Variants in NAA60 observed in about 807,000 individuals in gnomAD.
The protein encoded by NAA60 is N-alpha-acetyltransferase 60, NatF catalytic subunit.
A neutral mutation model predicts 26.1 loss-of-function variants in NAA60; 8 were observed. That is an observed-to-expected ratio of 0.31 (90% CI 0.18 to 0.55). The LOEUF is 0.55. Ranked by LOEUF, NAA60 falls within the 20% of genes least tolerant of loss-of-function variation. NAA60 has a pLI of 0.93. For missense variants in NAA60, 290 were observed against 311.3 expected (o/e 0.93, Z 0.51); for synonymous variants, 131 against 122.5 (o/e 1.07, Z -0.46).
chr16:3,463,051 C>T (rs756765805), intron 2 of NAA60, among the ~76,000 whole-genome samples: 2 of 152,082 alleles, frequency 1.3e-5, no homozygotes, highest in East Asian at 1.9e-4. Context: ...TGTTTCTTTG[C>T]GACTTTGACT....
At chr16:3,476,087 A>C in intron 2 of NAA60, 135 bp from the exon 3 acceptor site, 1 of 626,308 alleles carries the variant, frequency 1.6e-6, no homozygotes, top group Non-Finnish European at 2.7e-6. Flanking sequence ...TGAGAGGCAG[A>C]GGCCTCTGAG....
intron 2 of NAA60, chr16:3,462,610 C>G (rs1567374527): frequency 6.6e-6 from 1 of 152,152 alleles, no homozygotes; most frequent in Non-Finnish European, 1.5e-5. Flanking sequence ...AAGTGCACTG[C>G]TTGATGAGTT....
chr16:3,478,455 CTG>C (rs1402157660), intron 3 of NAA60, among the ~76,000 whole-genome samples: 1 of 152,198 alleles, frequency 6.6e-6, no homozygotes, highest in African/African-American at 2.4e-5. Context: ...GTTCCCAAGA[CTG>C]TGACATGAAC....
chr16:3,461,533 C>T (rs1379894875), intron 2 of NAA60, among the ~76,000 whole-genome samples: 3 of 152,142 alleles, frequency 2.0e-5, no homozygotes, highest in Non-Finnish European at 4.4e-5. Context: ...GCTATGAGTG[C>T]GACAGCTTAG....
intron 5 of NAA60, 38 bp from the exon 6 acceptor site, chr16:3,483,325 C>T: frequency 6.8e-7 from 1 of 1,475,328 alleles, no homozygotes. Context: ...TCCTTCCTAA[C>T]TGCTCTGCCT....
At chr16:3,455,421 C>G (rs1237598519) in intron 2 of NAA60, among the ~76,000 whole-genome samples, 2 of 129,774 alleles carry the variant, frequency 1.5e-5, no homozygotes, top group African/African-American at 3.0e-5. Context: ...GACGGAGTCT[C>G]GCTCTGTCTG....
chr16:3,451,063 T>C (rs1358973045), intron 2 of NAA60, among the ~76,000 whole-genome samples: 1 of 152,242 alleles, frequency 6.6e-6, no homozygotes, highest in Non-Finnish European at 1.5e-5. Flanking sequence ...AGAAGCTCCA[T>C]TGTTGTTTGT....
intron 1 of NAA60, chr16:3,447,526 T>C (rs1017094819): frequency 2.0e-6 from 2 of 985,338 alleles, no homozygotes; most frequent in African/African-American, 3.5e-5. Flanking sequence ...TAAGTATGGC[T>C]CTGGTTCTTA....
At chr16:3,481,607 C>G (rs900576529) in intron 4 of NAA60, among the ~76,000 whole-genome samples, 1 of 152,202 alleles carries the variant, frequency 6.6e-6, no homozygotes, top group Admixed American at 6.5e-5. Flanking sequence ...AGTAGAGGGC[C>G]CTCTGGCCTG....
intron 2 of NAA60, among the ~76,000 whole-genome samples, chr16:3,458,427 G>T (rs1256513003): frequency 1.3e-5 from 2 of 152,150 alleles, no homozygotes; most frequent in Non-Finnish European, 2.9e-5. Context: ...CGGCTCTCAT[G>T]CTGGGTGGGA....
At chr16:3,477,727 C>T (rs988492302) in intron 3 of NAA60, among the ~76,000 whole-genome samples, 1 of 150,548 alleles carries the variant, frequency 6.6e-6, no homozygotes, top group East Asian at 2.0e-4. Flanking sequence ...GTCAGGAGTT[C>T]GAGACCAGCC....
intron 4 of NAA60, among the ~76,000 whole-genome samples, chr16:3,480,138 A>G (rs1210175359): frequency 6.6e-6 from 1 of 152,132 alleles, no homozygotes; most frequent in African/African-American, 2.4e-5. Flanking sequence ...GACCATGGCC[A>G]TATTGTTCCA....
In NAA60 at chr16:3,485,894, G is replaced by A. The variant is rs2037124362; in HGVS notation, c.*634G>A. ...TCTGAGGCTCAGCCCCCTGGCACAGGCGGTCACGCATCAGGACGGTTCCTA... is the reference window on the plus strand; with the variant it reads ...TCTGAGGCTCAGCCCCCTGGCACAGACGGTCACGCATCAGGACGGTTCCTA... On this transcript the variant is annotated 3_prime_UTR_variant, in exon 8 of 8. Transcript: ENST00000407558. 2.8e-6 allele frequency: 1 copy of A among 354,420 alleles called. No homozygotes were observed. Among genetic ancestry groups the A allele is most frequent in the Non-Finnish European group, 5.6e-6 (1 of 178,906 alleles). 22.0% of individuals were successfully genotyped at this position (354,420 alleles called of 1,614,324 possible).
At position 3,482,512 on chromosome 16, in the gene NAA60, T is replaced by C; in HGVS notation, c.251T>C (p.Ile84Thr). 1 of 1,601,964 alleles carries C rather than the reference T, an allele frequency of 6.2e-7. No homozygotes were observed. The highest frequency in any genetic ancestry group is 8.5e-7 in the Non-Finnish European group (1 of 1,174,210). ...RTKIHKEDGD[I>T]LASNFSVDTQ... ...TGACTCTTCCTCTAGGATGGAGATATTCTAGCATCCAACTTCTCTGTTGAC... is the reference window on the plus strand; with the variant it reads ...TGACTCTTCCTCTAGGATGGAGATACTCTAGCATCCAACTTCTCTGTTGAC... Residue 84 changes from isoleucine to threonine, a missense_variant, in exon 5 of 8, where the codon ATT (isoleucine) becomes ACT (threonine). By Grantham distance (89) the Ile-to-Thr change is moderately conservative. Transcript: ENST00000407558.
At chr16:3,453,369 G>A (rs181406182) in intron 2 of NAA60, among the ~76,000 whole-genome samples, 57 of 152,196 alleles carry the variant, frequency 3.7e-4, no homozygotes, top group African/African-American at 1.3e-3. Context: ...ACTCCAGCCT[G>A]GGCAACAGAG....
chr16:3,472,185 T>C (rs1314094455), intron 2 of NAA60: 1 of 152,230 alleles, frequency 6.6e-6, no homozygotes, highest in Admixed American at 6.5e-5. Context: ...CCCCTGCGGT[T>C]CCAGTGTATG....
intron 1 of NAA60, among the ~76,000 whole-genome samples, chr16:3,447,329 T>C (rs1417800014): frequency 6.6e-6 from 1 of 152,188 alleles, no homozygotes; most frequent in Non-Finnish European, 1.5e-5. Flanking sequence ...GGGTACATAG[T>C]AGGTGTATAT....
rs1233637324 is a variant in NAA60 at position 3,482,419 on chromosome 16, T to G, written c.241-83T>G. ...CCCTCTGGCTGTCGTGGGAAGTCGGTGCGGAGCCCGCCTGGGCCGGGCTGT... is the reference window on the plus strand; with the variant it reads ...CCCTCTGGCTGTCGTGGGAAGTCGGGGCGGAGCCCGCCTGGGCCGGGCTGT... On this transcript the variant is annotated intron_variant, in intron 4 of 7. Coordinates refer to ENST00000407558, the MANE Select transcript of NAA60 (RefSeq NM_001083601.3). 6 of 1,147,426 alleles carry G rather than the reference T, an allele frequency of 5.2e-6. No homozygotes were observed. In the East Asian group the frequency reaches 1.5e-4, roughly 29 times the overall value. The allele number at this position is 1,147,426 out of a possible 1,614,324, so 71.1% of individuals were successfully genotyped here.
chr16:3,480,847 T>G (rs2036786396), intron 4 of NAA60, among the ~76,000 whole-genome samples: 1 of 152,128 alleles, frequency 6.6e-6, no homozygotes, highest in Non-Finnish European at 1.5e-5. Flanking sequence ...CAGTGGAGGT[T>G]GCAGTGAGCG....
Sources: gnomAD v4.1 joint callset for allele counts (sites outside exome capture counted in the v4.1 genomes callset) on GRCh38, gnomAD v4.1.1 for gene constraint, MANE v1.5 for transcripts, NCBI Gene and HGNC (gene_info 2026-07-23, HGNC 2026-07-21) for gene names.